DCC: variants seen among roughly 807,000 people sequenced by gnomAD.
DCC encodes the protein netrin receptor DCC.
DCC carries 58 observed loss-of-function variants against 172.5 expected under a neutral mutation model. The ratio of observed to expected loss-of-function variants is 0.34; its 90% confidence interval spans 0.27 to 0.42. The LOEUF is 0.42. DCC is among the 10% of genes least tolerant of loss of function. DCC has a pLI of 1.00. For missense variants in DCC, 1,740 were observed against 1,791.0 expected, an observed-to-expected ratio of 0.97 and a Z score of 0.51; for synonymous variants, 709 against 644.5, an observed-to-expected ratio of 1.10 and a Z score of -1.52.
chr18:52,695,915 A>G (rs920189002), intron 1 of DCC, among the ~76,000 whole-genome samples: 4 of 152,354 alleles, frequency 2.6e-5, no homozygotes, highest in African/African-American at 9.6e-5. Context: ...GGTGTCTGGC[A>G]GAACAACTGG....
chr18:52,468,205 ACAAT>A (rs1334485360), intron 1 of DCC, among the ~76,000 whole-genome samples: 1 of 152,214 alleles, frequency 6.6e-6, no homozygotes, highest in Non-Finnish European at 1.5e-5. Context: ...AAAATATGAA[ACAAT>A]CAAATAATGT....
At chr18:53,423,265 A>G (rs1910735664) in intron 21 of DCC, among the ~76,000 whole-genome samples, 1 of 152,172 alleles carries the variant, frequency 6.6e-6, no homozygotes, top group African/African-American at 2.4e-5. Flanking sequence ...ATTTCCTTGT[A>G]CAGATATTGG....
At chr18:52,381,340 T>A (rs1374038512) in intron 1 of DCC, among the ~76,000 whole-genome samples, 1 of 152,132 alleles carries the variant, frequency 6.6e-6, no homozygotes, top group Non-Finnish European at 1.5e-5. Flanking sequence ...TTTTTTAGCA[T>A]CTAAGGGTGG....
intron 24 of DCC, among the ~76,000 whole-genome samples, chr18:53,466,714 T>C (rs1466772561): frequency 6.6e-6 from 1 of 152,032 alleles, no homozygotes; most frequent in African/African-American, 2.4e-5. Context: ...TTAGTGGAGA[T>C]GGAGTTTCAC....
At chr18:53,115,782 T>A (rs2043399981) in intron 7 of DCC, among the ~76,000 whole-genome samples, 1 of 151,666 alleles carries the variant, frequency 6.6e-6, no homozygotes, top group Non-Finnish European at 1.5e-5. Context: ...TGAACAAAAA[T>A]TTTTTTGTAT....
At chr18:53,013,369 A>G (rs2041759263) in intron 5 of DCC, among the ~76,000 whole-genome samples, 1 of 152,168 alleles carries the variant, frequency 6.6e-6, no homozygotes, top group Admixed American at 6.5e-5. Flanking sequence ...ACACAGCCAT[A>G]AAAAATGAGT....
intron 13 of DCC, among the ~76,000 whole-genome samples, chr18:53,308,125 T>C (rs1940444485): frequency 6.6e-6 from 1 of 151,414 alleles, no homozygotes; most frequent in Non-Finnish European, 1.5e-5. Flanking sequence ...TAATAGCTAA[T>C]AGTGTTTTTG....
At chr18:53,409,617 G>A (rs1482521536) in intron 19 of DCC, among the ~76,000 whole-genome samples, 3 of 152,124 alleles carry the variant, frequency 2.0e-5, no homozygotes, top group African/African-American at 7.2e-5. Flanking sequence ...TAATGTTAGA[G>A]TATAAATATG....
At chr18:52,738,639 C>T (rs529242646) in intron 1 of DCC, among the ~76,000 whole-genome samples, 7 of 152,090 alleles carry the variant, frequency 4.6e-5, no homozygotes, top group Non-Finnish European at 1.0e-4. Context: ...GCCTAGGCTA[C>T]ACCAAATTTA....
At chr18:52,912,762 A>G (rs28371046) in intron 3 of DCC, among the ~76,000 whole-genome samples, 59,337 of 151,490 alleles carry the variant, frequency 0.39, 12,163 homozygotes, top group Non-Finnish European at 0.47. Flanking sequence ...GGTGGACGAC[A>G]TCAGCGTCTT....
At chr18:53,225,387 G>T (rs1342722186) in intron 12 of DCC, among the ~76,000 whole-genome samples, 2 of 152,162 alleles carry the variant, frequency 1.3e-5, no homozygotes, top group African/African-American at 4.8e-5. Flanking sequence ...AAATAAAGCA[G>T]TAAAAGAGAC....
chr18:52,414,585 G>A (rs1185471098), intron 1 of DCC, among the ~76,000 whole-genome samples: 1 of 152,110 alleles, frequency 6.6e-6, no homozygotes, highest in Non-Finnish European at 1.5e-5. Flanking sequence ...TGGGAGAACA[G>A]AGATGTGCAT....
At chr18:53,280,582 C>T (rs149785423) in intron 12 of DCC, among the ~76,000 whole-genome samples, 1 of 151,990 alleles carries the variant, frequency 6.6e-6, no homozygotes, top group African/African-American at 2.4e-5. Context: ...TTTATTCATA[C>T]TCTTGCCAAG....
intron 1 of DCC, among the ~76,000 whole-genome samples, chr18:52,451,298 T>C (rs533676905): frequency 6.6e-6 from 1 of 152,276 alleles, no homozygotes; most frequent in African/African-American, 2.4e-5. Flanking sequence ...TTTCCCAGCC[T>C]CCAGAAGATT....
chr18:53,485,318 C>T (rs1370786396), intron 25 of DCC, among the ~76,000 whole-genome samples: 1 of 151,960 alleles, frequency 6.6e-6, no homozygotes. Flanking sequence ...GTCATCACTC[C>T]TCTACACTCC....
At chr18:52,934,276 T>C (rs79125146) in intron 5 of DCC, among the ~76,000 whole-genome samples, 1 of 152,210 alleles carries the variant, frequency 6.6e-6, no homozygotes, top group Non-Finnish European at 1.5e-5. Flanking sequence ...TAGTGATACA[T>C]TGAAATTTCT....
At chr18:52,463,395 G>A (rs1014710863) in intron 1 of DCC, among the ~76,000 whole-genome samples, 1 of 152,008 alleles carries the variant, frequency 6.6e-6, no homozygotes, top group Non-Finnish European at 1.5e-5. Context: ...AGGATCATTT[G>A]GTCATATTGG....
chr18:52,705,327 G>C (rs2036188011), intron 1 of DCC, among the ~76,000 whole-genome samples: 1 of 152,192 alleles, frequency 6.6e-6, no homozygotes, highest in Non-Finnish European at 1.5e-5. Flanking sequence ...AATGGAGAAA[G>C]GAGGCTGGAT....
intron 1 of DCC, among the ~76,000 whole-genome samples, chr18:52,381,857 G>A (rs1341297588): frequency 1.3e-5 from 2 of 152,120 alleles, no homozygotes; most frequent in African/African-American, 2.4e-5. Flanking sequence ...CACCCCAAAT[G>A]CTAAAACATG....
Sources: allele counts gnomAD v4.1 joint callset (sites outside exome capture counted in the v4.1 genomes callset), GRCh38; gene constraint gnomAD v4.1.1; transcripts MANE v1.5; gene names NCBI Gene and HGNC (gene_info 2026-07-23, HGNC 2026-07-21).